Variants in TTBK1 observed in about 807,000 individuals in gnomAD.
The protein encoded by TTBK1 is tau-tubulin kinase 1.
TTBK1 carries 34 observed loss-of-function variants against 108.5 expected under a neutral mutation model. That is an observed-to-expected ratio of 0.31 (90% CI 0.24 to 0.42). The LOEUF (loss-of-function observed/expected upper bound fraction) is 0.42. Among genes scored for constraint, TTBK1 ranks in the 10% least tolerant of loss-of-function variants. TTBK1 has a pLI of 1.00. For missense variants in TTBK1, 1,539 were observed against 1,826.0 expected (o/e 0.84, Z 2.86); for synonymous variants, 809 against 795.1 (o/e 1.02, Z -0.29).
At chr6:43,271,382 A>G (rs1055083471) in intron 13 of TTBK1, 15 of 985,286 alleles carry the variant, frequency 1.5e-5, no homozygotes, top group Non-Finnish European at 1.8e-5. Flanking sequence ...ATTTACATAG[A>G]CCTCAATGTG....
At chr6:43,279,247 G>T (rs528304824) in intron 13 of TTBK1, among the ~76,000 whole-genome samples, 14 of 152,288 alleles carry the variant, frequency 9.2e-5, no homozygotes, top group Non-Finnish European at 1.5e-5. Context: ...TGTGTGTTGC[G>T]GGGGATCCCA....
At position 43,256,306 on chromosome 6, in the gene TTBK1, G is replaced by C. The variant is rs142073380; in HGVS notation, c.861+450G>C. 7.0e-3 allele frequency among the ~76,000 whole-genome samples: 1,057 copies of C among 152,056 alleles called. 16 individuals carry two copies. Among genetic ancestry groups the C allele is most frequent in the East Asian group, 0.033 (166 of 5,098 alleles). ...ACGTGCCACCATGCCCGGCTAATTT[G>C]TGTATTTTTATTTGAGATGGGGTTT... On this transcript the variant is annotated intron_variant, in intron 9 of 14. Coordinates refer to ENST00000259750, the MANE Select transcript of TTBK1 (RefSeq NM_032538.3).
chr6:43,255,458 G>A, intron 7 of TTBK1, 94 bp from the exon 8 acceptor site: 3 of 1,191,594 alleles, frequency 2.5e-6, no homozygotes, highest in Non-Finnish European at 3.6e-6. Context: ...TGGGTGTCAG[G>A]CCTCCCTGAC....
rs981687571 is a variant in TTBK1 at position 43,265,718 on chromosome 6, G to A, written c.1986+2368G>A. Among the ~76,000 whole-genome samples, 9 of 152,152 alleles carry A rather than the reference G, an allele frequency of 5.9e-5. No individual in the cohort carries two copies. The highest frequency in any genetic ancestry group is 2.6e-4 in the Admixed American group (4 of 15,284). On this transcript the variant is annotated intron_variant, in intron 13 of 14. Coordinates refer to ENST00000259750, the MANE Select transcript of TTBK1 (RefSeq NM_032538.3). The surrounding 1 kb of genome is among the most constrained non-coding windows in gnomAD (Gnocchi z 4.1). ...GTGACTTGCACAATAGGTTGTACCC[G>A]TAGGAAGTGCAGAGTCTAGGGAGGG...
Position 43,259,443 on chromosome 6 carries a change from A to G in TTBK1, c.1249-88A>G. The G allele has an allele frequency of 1.4e-6, 2 of 1,425,840 alleles. No homozygotes were observed. The highest frequency in any genetic ancestry group is 1.4e-5 in the African/African-American group (1 of 69,820). The allele number at this position is 1,425,840 out of a possible 1,614,324, so 88.3% of individuals were successfully genotyped here. A position where few individuals can be genotyped will look rare whatever the true frequency, so the allele number is the denominator to read the frequency against. ...TAGCCTCGCTGTGTCTTCCATCATCATCATCCTCTGTCTCCTTCACCCTGA... is the reference window on the plus strand; with the variant it reads ...TAGCCTCGCTGTGTCTTCCATCATCGTCATCCTCTGTCTCCTTCACCCTGA... On this transcript the variant is annotated intron_variant, in intron 11 of 14. Transcript: ENST00000259750. This position sits in a 1 kb window ranked among gnomAD's most constrained non-coding sequence, Gnocchi z 6.7.
intron 13 of TTBK1, among the ~76,000 whole-genome samples, chr6:43,267,834 G>T (rs1777723815): frequency 6.6e-6 from 1 of 152,204 alleles, no homozygotes; most frequent in Non-Finnish European, 1.5e-5. Context: ...CACAGACACT[G>T]CCCGGCAGCC....
intron 13 of TTBK1, chr6:43,272,333 C>G (rs1777856470): frequency 1.0e-6 from 1 of 985,348 alleles, no homozygotes; most frequent in Non-Finnish European, 1.2e-6. Context: ...CTCTAAGATC[C>G]CAAAGTGCCT....
intron 14 of TTBK1, 142 bp from the exon 15 acceptor site, chr6:43,284,841 T>C (rs1002153206): frequency 7.5e-7 from 1 of 1,334,332 alleles, no homozygotes; most frequent in Non-Finnish European, 9.6e-7. Flanking sequence ...CAGGCCTCAG[T>C]TTACCCATCT....
chr6:43,248,321 G>C, intron 2 of TTBK1, among the ~76,000 whole-genome samples: 1 of 152,132 alleles, frequency 6.6e-6, no homozygotes, highest in East Asian at 1.9e-4. Flanking sequence ...TTCCAAGTGA[G>C]GATGGCACTG....
At chr6:43,245,098 G>C (rs1777052124) in intron 1 of TTBK1, among the ~76,000 whole-genome samples, 1 of 152,166 alleles carries the variant, frequency 6.6e-6, no homozygotes, top group Admixed American at 6.5e-5. Context: ...TCATGAATTA[G>C]AAGGTGGTTT....
intron 7 of TTBK1, 150 bp downstream of exon 7, chr6:43,255,264 T>TG: frequency 1.3e-6 from 1 of 768,208 alleles, no homozygotes; most frequent in Non-Finnish European, 2.2e-6. Flanking sequence ...AAGGCCCCTC[T>TG]GTGGCAGACT....
chr6:43,286,580 G>C lies in TTBK1; in HGVS notation c.*1204G>C, dbSNP rs552935907. The C allele has an allele frequency of 6.6e-6, 1 of 152,394 alleles. No individual in the cohort carries two copies. The highest frequency in any genetic ancestry group is 2.4e-5 in the African/African-American group (1 of 41,444). The allele number at this position is 152,394 out of a possible 1,614,324, so 9.4% of individuals were successfully genotyped here. On this transcript the variant is annotated 3_prime_UTR_variant, in exon 15 of 15. Transcript: ENST00000259750. The surrounding 1 kb of genome is among the most constrained non-coding windows in gnomAD (Gnocchi z 4.6). ...ACAGCTGGCCCCTGGAGGCAGAAAG[G>C]CCCTTCTAACTTCCAGATTGTATGC...
At position 43,254,496 on chromosome 6, in the gene TTBK1, G is replaced by A. The variant is rs368818774; in HGVS notation, c.472-51G>A. The A allele has an allele frequency of 4.3e-5, 58 of 1,345,408 alleles. No individual in the cohort carries two copies. In the African/African-American group the frequency reaches 6.6e-4, roughly 15 times the overall value. The allele number at this position is 1,345,408 out of a possible 1,614,324, so 83.3% of individuals were successfully genotyped here. On this transcript the variant is annotated intron_variant, in intron 5 of 14. Coordinates refer to ENST00000259750, the MANE Select transcript of TTBK1 (RefSeq NM_032538.3). ...GCTGTTTCTTGGTGCCCCTTGAGGT[G>A]GCCCAGCTGGGGTTGGGGCCCCCAG...
At chr6:43,260,682 T>G (rs1355603941) in intron 12 of TTBK1, among the ~76,000 whole-genome samples, 1 of 152,094 alleles carries the variant, frequency 6.6e-6, no homozygotes, top group Non-Finnish European at 1.5e-5. Flanking sequence ...GGAAATGCCT[T>G]GAATGAGACA....
At chr6:43,275,265 C>T (rs1272643239) in intron 13 of TTBK1, among the ~76,000 whole-genome samples, 1 of 152,010 alleles carries the variant, frequency 6.6e-6, no homozygotes, top group Non-Finnish European at 1.5e-5. Flanking sequence ...CACACAGCGC[C>T]CCGCGGCGCC....
intron 13 of TTBK1, among the ~76,000 whole-genome samples, chr6:43,264,683 G>A (rs1320437091): frequency 5.9e-5 from 9 of 152,162 alleles, no homozygotes; most frequent in African/African-American, 1.7e-4. Context: ...GAAGGTCCTC[G>A]AAATCAGGGC....
chr6:43,282,823 T>G lies in TTBK1; in HGVS notation c.2083T>G (p.Tyr695Asp), dbSNP rs1270268739. The change falls in exon 14 of 15, where the codon TAC (tyrosine) becomes GAC (aspartate). Residue 695 changes from tyrosine to aspartate, a missense_variant. By Grantham distance (160) the Tyr-to-Asp change is radical. Transcript: ENST00000259750. This position sits in a 1 kb window ranked among gnomAD's most constrained non-coding sequence, Gnocchi z 5.4. ...GGACTTCAAAAGAGACCTCTCCGAT[T>G]ACCGAGAACGGGCGCGGTTGCTCAA... is the stretch of plus-strand genomic sequence containing the variant. The part of the protein sequence containing the change: ...YQDFKRDLSD[Y>D]RERARLLNRV... 1.2e-6 allele frequency: 2 copies of G among 1,614,006 alleles called. No individual in the cohort carries two copies. The highest frequency in any genetic ancestry group is 1.1e-5 in the South Asian group (1 of 91,060).
At chr6:43,244,467 T>A (rs1190195281) in intron 1 of TTBK1, among the ~76,000 whole-genome samples, 2 of 152,184 alleles carry the variant, frequency 1.3e-5, no homozygotes, top group African/African-American at 4.8e-5. Flanking sequence ...AACTCCTGCA[T>A]AAGCCCTCGC....
chr6:43,283,857 C>T lies in TTBK1; in HGVS notation c.3117C>T (p.Thr1039=). ...PLEPSPEKVA[T]ISPRRHAMPG... ...AGCCAAGCCCTGAGAAAGTGGCCACCATCTCCCCCAGACGCCATGCTATGC... is the reference window on the plus strand; with the variant it reads ...AGCCAAGCCCTGAGAAAGTGGCCACTATCTCCCCCAGACGCCATGCTATGC... The change falls in exon 14 of 15, where the codon ACC becomes ACT. Residue 1039 remains threonine (T), a synonymous_variant. Transcript: ENST00000259750. The surrounding 1 kb of genome is among the most constrained non-coding windows in gnomAD (Gnocchi z 8.1). 6.2e-7 allele frequency: 1 copy of T among 1,609,932 alleles called. No homozygotes were observed. The highest frequency in any genetic ancestry group is 8.5e-7 in the Non-Finnish European group (1 of 1,177,492).
Sources: allele counts gnomAD v4.1 joint callset (sites outside exome capture counted in the v4.1 genomes callset), GRCh38; gene constraint gnomAD v4.1.1; non-coding constraint Gnocchi (gnomAD v3.1); transcripts MANE v1.5; gene names NCBI Gene and HGNC (gene_info 2026-07-23, HGNC 2026-07-21).